Variants in TMEM273 observed in about 807,000 individuals in gnomAD.
The protein encoded by TMEM273 is transmembrane protein 273, also known as chromosome 10 open reading frame 128.
TMEM273 carries 19 observed loss-of-function variants against 17.9 expected under a neutral mutation model. The ratio of observed to expected loss-of-function variants is 1.06; its 90% CI spans 0.74 to 1.55. The LOEUF is 1.55. TMEM273 is among the 40% of genes most tolerant of loss of function. TMEM273 has a pLI of 0.00. For missense variants in TMEM273, 194 were observed against 155.6 expected, an observed-to-expected ratio of 1.25 and a Z score of -1.31; for synonymous variants, 66 against 62.0, an observed-to-expected ratio of 1.07 and a Z score of -0.31.
chr10:49,179,250 T>A (rs1847189953), intron 1 of TMEM273, among the ~76,000 whole-genome samples: 2 of 152,248 alleles, frequency 1.3e-5, no homozygotes, highest in Admixed American at 1.3e-4. Flanking sequence ...GGAGATAGTT[T>A]AATTTGGGAG....
chr10:49,187,894 TTTGAC>T (rs1847824189), intron 1 of TMEM273, among the ~76,000 whole-genome samples: 1 of 152,254 alleles, frequency 6.6e-6, no homozygotes, highest in African/African-American at 2.4e-5. Flanking sequence ...AGTATTTTGA[TTTGAC>T]TTAATTAAAT....
intron 1 of TMEM273, among the ~76,000 whole-genome samples, chr10:49,177,626 C>T (rs183798010): frequency 6.6e-6 from 1 of 152,324 alleles, no homozygotes; most frequent in African/African-American, 2.4e-5. Context: ...GAGGAAGAGT[C>T]TCACAGCAGC....
intron 1 of TMEM273, among the ~76,000 whole-genome samples, chr10:49,186,242 A>G (rs12411415): frequency 0.1 from 15,770 of 152,218 alleles, 1,257 homozygotes; most frequent in East Asian, 0.3. Context: ...CATGTCTTTC[A>G]ACTAAATATA....
At chr10:49,165,564 C>A (rs576477330) in intron 4 of TMEM273, among the ~76,000 whole-genome samples, 3 of 152,200 alleles carry the variant, frequency 2.0e-5, no homozygotes, top group Non-Finnish European at 4.4e-5. Flanking sequence ...ACGGCTGTAG[C>A]CTGTGGCCCT....
At chr10:49,182,916 T>C (rs1348945140) in intron 1 of TMEM273, among the ~76,000 whole-genome samples, 2 of 152,136 alleles carry the variant, frequency 1.3e-5, no homozygotes, top group Non-Finnish European at 2.9e-5. Flanking sequence ...TGGAAGGGAA[T>C]GGATATCCCG....
intron 1 of TMEM273, among the ~76,000 whole-genome samples, chr10:49,176,562 C>T (rs938709771): frequency 2.6e-5 from 4 of 152,312 alleles, no homozygotes; most frequent in Admixed American, 2.0e-4. Flanking sequence ...GTTGCATAAC[C>T]GCTAAGTGGT....
At chr10:49,158,585 G>T (rs1261243116) in intron 6 of TMEM273, among the ~76,000 whole-genome samples, 1 of 152,174 alleles carries the variant, frequency 6.6e-6, no homozygotes. Context: ...CCCACCAGAA[G>T]GTAGAGCACA....
intron 4 of TMEM273, among the ~76,000 whole-genome samples, 176 bp downstream of exon 4, chr10:49,165,590 T>A (rs908133600): frequency 6.6e-6 from 1 of 152,220 alleles, no homozygotes; most frequent in Non-Finnish European, 1.5e-5. Context: ...TTGTGACACC[T>A]GCCCACTGGT....
rs1846243918 is a variant in TMEM273, at chr10:49,167,088, T to C, written c.98-79A>G. On this transcript the variant is annotated intron_variant, in intron 2 of 6. Transcript: ENST00000374153. ...TGCATTCCAGATGAGGTCCAAAGCATGCATGTGGCCCTTAACACACCACCT... is the reference window on the plus strand; with the variant it reads ...TGCATTCCAGATGAGGTCCAAAGCACGCATGTGGCCCTTAACACACCACCT... 5 of 1,566,570 alleles carry C rather than the reference T, an allele frequency of 3.2e-6. No individual in the cohort carries two copies. The East Asian group carries it at 6.8e-5, about 21-fold the overall frequency.
chr10:49,167,074 T>A, intron 2 of TMEM273, 65 bp from the exon 3 acceptor site: 1 of 1,589,538 alleles, frequency 6.3e-7, no homozygotes, highest in East Asian at 2.2e-5. Flanking sequence ...GCATTCCAGA[T>A]GAGGTCCAAA....
At chr10:49,175,202 G>A (rs1278012884) in intron 1 of TMEM273, among the ~76,000 whole-genome samples, 8 of 152,118 alleles carry the variant, frequency 5.3e-5, no homozygotes, top group Non-Finnish European at 5.9e-5. Flanking sequence ...CAGGGTCAGA[G>A]CAGCTGGGGA....
At chr10:49,161,426 G>T in intron 6 of TMEM273, 173 bp downstream of exon 6, 1 of 726,032 alleles carries the variant, frequency 1.4e-6, no homozygotes, top group Non-Finnish European at 2.4e-6. Flanking sequence ...GTCCCAAGGT[G>T]ATGCTGATTC....
intron 1 of TMEM273, among the ~76,000 whole-genome samples, chr10:49,179,272 G>A (rs982073787): frequency 6.6e-6 from 1 of 152,222 alleles, no homozygotes; most frequent in Non-Finnish European, 1.5e-5. Context: ...TAGTGAAAAG[G>A]TCTGCTGAGT....
chr10:49,179,985 G>A (rs1348297857), intron 1 of TMEM273, among the ~76,000 whole-genome samples: 1 of 152,198 alleles, frequency 6.6e-6, no homozygotes, highest in Non-Finnish European at 1.5e-5. Flanking sequence ...CAGTTATAAG[G>A]AGCCCCCACT....
At chr10:49,166,126 G>A (rs2725200) in intron 3 of TMEM273, among the ~76,000 whole-genome samples, 1 of 152,034 alleles carries the variant, frequency 6.6e-6, no homozygotes, top group African/African-American at 2.4e-5. Context: ...CGTCTTCCAG[G>A]AAGGCAGTGA....
chr10:49,164,269 C>A (rs552196897), intron 5 of TMEM273, among the ~76,000 whole-genome samples: 1 of 152,182 alleles, frequency 6.6e-6, no homozygotes, highest in African/African-American at 2.4e-5. Flanking sequence ...AGATTCTTTT[C>A]TCTCCTCCAG....
At chr10:49,175,502 C>T (rs145483835) in intron 1 of TMEM273, among the ~76,000 whole-genome samples, 1,920 of 152,338 alleles carry the variant, frequency 0.013, 16 homozygotes, top group Non-Finnish European at 0.02. Flanking sequence ...ACAATAACAG[C>T]GGGTGACCAG....
chr10:49,157,322 A>G (rs1023079754), intron 6 of TMEM273, among the ~76,000 whole-genome samples: 5 of 152,232 alleles, frequency 3.3e-5, no homozygotes, highest in Admixed American at 1.3e-4. Flanking sequence ...AAATGAGATA[A>G]GGCTGGCAGA....
intron 1 of TMEM273, among the ~76,000 whole-genome samples, chr10:49,185,961 A>G (rs1290209336): frequency 1.3e-5 from 2 of 151,322 alleles, no homozygotes; most frequent in Admixed American, 6.6e-5. Flanking sequence ...CTGGGCAACA[A>G]GAGCAAAATT....
Sources: allele counts gnomAD v4.1 joint callset (sites outside exome capture counted in the v4.1 genomes callset), GRCh38; gene constraint gnomAD v4.1.1; transcripts MANE v1.5; gene names NCBI Gene and HGNC (gene_info 2026-07-23, HGNC 2026-07-21).